ENOX1: variants seen among roughly 807,000 people sequenced by gnomAD.
ENOX1 encodes the protein candidate growth-related and time keeping constitutive hydroquinone (NADH) oxidase.
A neutral mutation model predicts 82.5 loss-of-function variants in ENOX1; 42 were observed. The ratio of observed to expected loss-of-function variants is 0.51; its 90% CI spans 0.40 to 0.66. ENOX1 has a LOEUF of 0.66. Ranked by LOEUF, ENOX1 falls within the 30% of genes least tolerant of loss-of-function variation. The pLI, the probability that ENOX1 is intolerant of heterozygous loss-of-function variation, is 0.00. For missense variants in ENOX1, 608 were observed against 811.6 expected, an observed-to-expected ratio of 0.75 and a Z score of 3.05; for synonymous variants, 271 against 282.2, an observed-to-expected ratio of 0.96 and a Z score of 0.40.
chr13:43,365,356 T>C (rs2050782099), intron 5 of ENOX1, among the ~76,000 whole-genome samples: 1 of 152,166 alleles, frequency 6.6e-6, no homozygotes, highest in Non-Finnish European at 1.5e-5. Context: ...AGGAAGAACA[T>C]AGCGTTTTAA....
At chr13:43,263,780 G>GA (rs1279691641) in intron 14 of ENOX1, among the ~76,000 whole-genome samples, 2 of 152,210 alleles carry the variant, frequency 1.3e-5, no homozygotes, top group Admixed American at 1.3e-4. Flanking sequence ...TGGCTTATTG[G>GA]AACAGACAGC....
At position 43,318,000 on chromosome 13, in the gene ENOX1, G is replaced by A. The variant is rs559579186; in HGVS notation, c.1261+4384C>T. Among the ~76,000 whole-genome samples the A allele has an allele frequency of 7.4e-4, 111 of 149,834 alleles. No homozygotes were observed. In the South Asian group the frequency reaches 8.6e-3, roughly 12 times the overall value. On this transcript the variant is annotated intron_variant, in intron 11 of 16. Coordinates refer to ENST00000690772, the MANE Select transcript of ENOX1 (RefSeq NM_001347969.2). ...AGCCTGGGTGACAGAGCAAGACTCC[G>A]TCTCAAAAAAAAAAAAAATTCCTTT...
At chr13:43,327,058 C>T (rs1237078940) in intron 9 of ENOX1, among the ~76,000 whole-genome samples, 2 of 152,034 alleles carry the variant, frequency 1.3e-5, no homozygotes, top group Non-Finnish European at 2.9e-5. Context: ...GCCATGTCTC[C>T]CCTCAATCTC....
intron 5 of ENOX1, among the ~76,000 whole-genome samples, chr13:43,372,121 A>G (rs2146674): frequency 0.55 from 83,922 of 152,064 alleles, 26,540 homozygotes; most frequent in Non-Finnish European, 0.73. Flanking sequence ...TTGGTTGTTG[A>G]GTCCACAATG....
At chr13:43,707,928 G>C (rs1455260083) in intron 1 of ENOX1, among the ~76,000 whole-genome samples, 2 of 152,118 alleles carry the variant, frequency 1.3e-5, no homozygotes, top group African/African-American at 4.8e-5. Context: ...GCAGACATGA[G>C]CAGAGTGGGA....
chr13:43,602,375 A>G (rs2081763374), intron 2 of ENOX1, among the ~76,000 whole-genome samples: 1 of 152,162 alleles, frequency 6.6e-6, no homozygotes, highest in Non-Finnish European at 1.5e-5. Context: ...GCTAGAAATA[A>G]TATATGGTAA....
chr13:43,297,342 G>A (rs1405568548), intron 12 of ENOX1, among the ~76,000 whole-genome samples: 1 of 151,898 alleles, frequency 6.6e-6, no homozygotes, highest in African/African-American at 2.4e-5. Flanking sequence ...CAATATGGAT[G>A]GGGGAATTAA....
chr13:43,559,613 A>G (rs938247617), intron 2 of ENOX1, among the ~76,000 whole-genome samples: 4 of 152,206 alleles, frequency 2.6e-5, no homozygotes, highest in African/African-American at 9.6e-5. Context: ...AGCTATCCAA[A>G]ACTGTGAACA....
chr13:43,250,473 C>T (rs145088486), intron 14 of ENOX1, among the ~76,000 whole-genome samples: 52 of 152,314 alleles, frequency 3.4e-4, no homozygotes, highest in Middle Eastern at 6.8e-3. Flanking sequence ...TTGTTAGGAG[C>T]GGCTAGTTAT....
At chr13:43,631,716 A>G (rs1297758137) in intron 2 of ENOX1, among the ~76,000 whole-genome samples, 1 of 152,078 alleles carries the variant, frequency 6.6e-6, no homozygotes, top group Admixed American at 6.6e-5. Context: ...TTTTTCTTTT[A>G]TTCTTTTTTC....
At chr13:43,310,194 T>C (rs2047115709) in intron 11 of ENOX1, among the ~76,000 whole-genome samples, 1 of 84,292 alleles carries the variant, frequency 1.2e-5, no homozygotes, top group Non-Finnish European at 2.5e-5. Flanking sequence ...CGAGATTCCA[T>C]CTCAAAAAAA....
chr13:43,765,773 G>GC (rs1951225269), intron 1 of ENOX1, among the ~76,000 whole-genome samples: 1 of 152,106 alleles, frequency 6.6e-6, no homozygotes, highest in African/African-American at 2.4e-5. Context: ...TCATTACCCA[G>GC]TTCGTTCAGA....
chr13:43,412,883 G>T lies in ENOX1; in HGVS notation c.32C>A (p.Thr11Asn), dbSNP rs769549424. 6.2e-7 allele frequency: 1 copy of T among 1,614,052 alleles called. No homozygotes were observed. The highest frequency in any genetic ancestry group is 8.5e-7 in the Non-Finnish European group (1 of 1,180,002). ...CTGAGGAAGCTCCTGGGGAAGCTGGGTGATGTTCTCAACTCCACCTGCATC... is the reference window on the plus strand; with the variant it reads ...CTGAGGAAGCTCCTGGGGAAGCTGGTTGATGTTCTCAACTCCACCTGCATC... Reference protein sequence around the residue: MVDAGGVENITQLPQELPQMM... With the variant: MVDAGGVENINQLPQELPQMM... Residue 11 changes from threonine to asparagine, a missense_variant, in exon 4 of 17, where the codon ACC (threonine) becomes AAC (asparagine). Transcript: ENST00000690772.
intron 3 of ENOX1, among the ~76,000 whole-genome samples, chr13:43,478,188 C>T (rs2058369817): frequency 1.3e-5 from 2 of 149,292 alleles, no homozygotes; most frequent in South Asian, 4.2e-4. Context: ...ATCACAGACA[C>T]AAGTGGTATT....
chr13:43,568,113 A>G (rs951570302), intron 2 of ENOX1, among the ~76,000 whole-genome samples: 1 of 152,238 alleles, frequency 6.6e-6, no homozygotes, highest in Non-Finnish European at 1.5e-5. Flanking sequence ...TGATAGAGTA[A>G]TACTTTTTTC....
chr13:43,255,047 A>G (rs1370858166), intron 14 of ENOX1, among the ~76,000 whole-genome samples: 1 of 152,220 alleles, frequency 6.6e-6, no homozygotes, highest in African/African-American at 2.4e-5. Context: ...AAAATCCTCA[A>G]CAAAATACCA....
chr13:43,581,185 T>G (rs1007697228), intron 2 of ENOX1, among the ~76,000 whole-genome samples: 10 of 128,202 alleles, frequency 7.8e-5, no homozygotes, highest in African/African-American at 2.9e-4. Flanking sequence ...CAGGCTGGAG[T>G]GCAGTGGCGG....
At chr13:43,561,194 C>T (rs1407003006) in intron 2 of ENOX1, among the ~76,000 whole-genome samples, 1 of 8,018 alleles carries the variant, frequency 1.2e-4, no homozygotes, top group African/African-American at 1.3e-4. Context: ...TACCTCTTAT[C>T]ATCACCCCAC....
chr13:43,332,815 C>T (rs945733077), intron 9 of ENOX1, among the ~76,000 whole-genome samples: 1 of 151,980 alleles, frequency 6.6e-6, no homozygotes, highest in African/African-American at 2.4e-5. Flanking sequence ...GCCTAGATTA[C>T]CCCTACTGAC....
Sources: allele counts gnomAD v4.1 joint callset (sites outside exome capture counted in the v4.1 genomes callset), GRCh38; gene constraint gnomAD v4.1.1; transcripts MANE v1.5; gene names NCBI Gene and HGNC (gene_info 2026-07-23, HGNC 2026-07-21).